The following RALY variants were observed in gnomAD, a reference collection of about 807,000 sequenced individuals.
RALY encodes RNA-binding protein Raly.
In RALY, 15 loss-of-function variants were observed where a neutral mutation model predicts 30.7. The ratio of observed to expected loss-of-function variants is 0.49; its 90% confidence interval spans 0.33 to 0.75. The LOEUF is 0.75. Ranked by LOEUF, RALY falls within the 30% of genes least tolerant of loss-of-function variation. The pLI is 0.02. For synonymous variants in RALY, 177 were observed against 170.8 expected, an observed-to-expected ratio of 1.04 and a Z score of -0.28; for missense variants, 339 against 414.3, an observed-to-expected ratio of 0.82 and a Z score of 1.58.
chr20:34,004,344 A>G (rs1318028507), intron 1 of RALY, among the ~76,000 whole-genome samples: 2 of 152,238 alleles, frequency 1.3e-5, no homozygotes, highest in Non-Finnish European at 2.9e-5. Context: ...CAATATTGCC[A>G]TGTCTGTACC....
intron 2 of RALY, among the ~76,000 whole-genome samples, chr20:34,038,735 C>T (rs2032590837): frequency 6.6e-6 from 1 of 152,174 alleles, no homozygotes; most frequent in Non-Finnish European, 1.5e-5. Context: ...CTTGATCTGA[C>T]ATTTATTTTC....
intron 2 of RALY, among the ~76,000 whole-genome samples, chr20:34,034,327 C>A (rs564761148): frequency 2.0e-4 from 31 of 152,314 alleles, no homozygotes; most frequent in African/African-American, 7.2e-4. Flanking sequence ...CTTCTGTCTG[C>A]CTGAGAGTGC....
chr20:34,056,935 G>C (rs1051177491), intron 2 of RALY, among the ~76,000 whole-genome samples: 3 of 152,130 alleles, frequency 2.0e-5, no homozygotes, highest in Non-Finnish European at 4.4e-5. Context: ...TCTGTCCTAA[G>C]GAAATAGTCT....
chr20:34,076,146 A>ACAGTTCTGCTG, intron 6 of RALY, 106 bp downstream of exon 6: 1 of 1,337,954 alleles, frequency 7.5e-7, no homozygotes, highest in Non-Finnish European at 1.0e-6. Context: ...CAAGTCTTCC[A>ACAGTTCTGCTG]CAGTTCTGCT....
chr20:34,052,853 G>C (rs2033122491), intron 2 of RALY, among the ~76,000 whole-genome samples: 1 of 152,012 alleles, frequency 6.6e-6, no homozygotes, highest in Non-Finnish European at 1.5e-5. Flanking sequence ...ATCCTGAGAG[G>C]GGTTTGAAGA....
chr20:34,071,933 G>A, intron 2 of RALY, 133 bp from the exon 3 acceptor site: 1 of 1,012,192 alleles, frequency 9.9e-7, no homozygotes, highest in Non-Finnish European at 1.4e-6. Flanking sequence ...AAAACAAGAT[G>A]CAGGAACAGG....
chr20:34,078,574 T>C lies in RALY; in HGVS notation c.*4+21T>C, dbSNP rs776560221. 2.6e-6 allele frequency: 4 copies of C among 1,543,030 alleles called. No individual in the cohort carries two copies. In the South Asian group the frequency reaches 3.7e-5, roughly 14 times the overall value. ...AGCAGGTACAGGGGTCCTGTCCTGA[T>C]GGGCAGAGGGTGGGGAATCAGTGAA... On this transcript the variant is annotated intron_variant, in intron 9 of 9. Coordinates refer to ENST00000246194, the MANE Select transcript of RALY (RefSeq NM_016732.3).
chr20:34,083,759 C>G lies in RALY; in HGVS notation c.*3854C>G, dbSNP rs1220314459. 6.6e-6 allele frequency: 1 copy of G among 152,214 alleles called. No individual in the cohort carries two copies. The highest frequency in any genetic ancestry group is 1.5e-5 in the Non-Finnish European group (1 of 68,046). The allele number at this position is 152,214 out of a possible 1,614,324, so 9.4% of individuals were successfully genotyped here. On this transcript the variant is annotated 3_prime_UTR_variant, in exon 10 of 10. Coordinates refer to ENST00000246194, the MANE Select transcript of RALY (RefSeq NM_016732.3). Reference sequence around the variant, plus strand: ...TTGACCCGTAAGGTCATAACCTGCCCCATAGGATGTTATATGCAGTAGGCC... The same window carrying G: ...TTGACCCGTAAGGTCATAACCTGCCGCATAGGATGTTATATGCAGTAGGCC...
rs985315815 is a variant in RALY, at chr20:34,082,658, G to A, written c.*2753G>A. 1 of 152,318 alleles carries A rather than the reference G, an allele frequency of 6.6e-6. No individual in the cohort carries two copies. Among genetic ancestry groups the A allele is most frequent in the Non-Finnish European group, 1.5e-5 (1 of 68,158 alleles). 9.4% of individuals were successfully genotyped at this position (152,318 alleles called of 1,614,324 possible). ...CAGGGAGAACGAGAGTCCCATCCTGGAACTCCAGAAAAGCCCCTGGATGCT... is the reference window on the plus strand; with the variant it reads ...CAGGGAGAACGAGAGTCCCATCCTGAAACTCCAGAAAAGCCCCTGGATGCT... On this transcript the variant is annotated 3_prime_UTR_variant, in exon 10 of 10. Transcript: ENST00000246194.
At chr20:34,019,528 G>A (rs897484773) in intron 1 of RALY, among the ~76,000 whole-genome samples, 4 of 152,114 alleles carry the variant, frequency 2.6e-5, no homozygotes, top group Admixed American at 6.5e-5. Flanking sequence ...GCTGTGGGTC[G>A]TCTCACATTT....
chr20:34,063,024 T>G (rs927656743), intron 2 of RALY, among the ~76,000 whole-genome samples: 2 of 152,182 alleles, frequency 1.3e-5, no homozygotes, highest in Non-Finnish European at 2.9e-5. Flanking sequence ...ATGCCCAGTT[T>G]TGAAGCCATT....
At chr20:34,058,263 A>G (rs2033313454) in intron 2 of RALY, among the ~76,000 whole-genome samples, 1 of 152,092 alleles carries the variant, frequency 6.6e-6, no homozygotes. Context: ...GCAGGGGTTC[A>G]TTGGTTGGCT....
intron 2 of RALY, among the ~76,000 whole-genome samples, chr20:34,049,725 A>T (rs1430699350): frequency 6.6e-6 from 1 of 152,200 alleles, no homozygotes; most frequent in Non-Finnish European, 1.5e-5. Flanking sequence ...TGACTTAGGA[A>T]ATTTCCCCAC....
chr20:34,056,451 T>G (rs999960730), intron 2 of RALY, among the ~76,000 whole-genome samples: 5 of 152,234 alleles, frequency 3.3e-5, no homozygotes, highest in Admixed American at 1.3e-4. Flanking sequence ...CTGGTTTTCT[T>G]GAGGTTTTCA....
intron 5 of RALY, among the ~76,000 whole-genome samples, chr20:34,075,147 C>T (rs1164234902): frequency 1.3e-5 from 2 of 152,032 alleles, no homozygotes; most frequent in African/African-American, 2.4e-5. Context: ...TCTGATTGAG[C>T]TGCCCAACCT....
At position 34,003,634 on chromosome 20, in the gene RALY, G is replaced by GTTTTT. The variant is rs775178178; in HGVS notation, c.-93+9522_-93+9526dup. 2.5e-3 allele frequency among the ~76,000 whole-genome samples: 280 copies of GTTTTT among 112,940 alleles called. 14 individuals carry two copies. Among genetic ancestry groups the GTTTTT allele is most frequent in the African/African-American group, 0.011 (263 of 24,466 alleles). 74.1% of individuals were successfully genotyped at this position (112,940 alleles called of 152,430 possible). ...TTACCTTTGGTAAATATGCCAAACA[G>GTTTTT]TTTTTTTTTTTTTTTTTTTTTTTGA... is the stretch of plus-strand genomic sequence containing the variant. On this transcript the variant is annotated intron_variant, in intron 1 of 9. Coordinates refer to ENST00000246194, the MANE Select transcript of RALY (RefSeq NM_016732.3).
intron 2 of RALY, among the ~76,000 whole-genome samples, chr20:34,055,934 A>C (rs1401008865): frequency 6.6e-6 from 1 of 152,190 alleles, no homozygotes; most frequent in Non-Finnish European, 1.5e-5. Context: ...AGAGGAGACT[A>C]ATACATGAGA....
At chr20:34,074,977 G>C (rs565614498) in intron 5 of RALY, among the ~76,000 whole-genome samples, 1 of 152,280 alleles carries the variant, frequency 6.6e-6, no homozygotes, top group Non-Finnish European at 1.5e-5. Context: ...TACCCCCTGG[G>C]CTGCGATTCC....
At chr20:34,034,573 A>G (rs1025949762) in intron 2 of RALY, among the ~76,000 whole-genome samples, 1 of 152,238 alleles carries the variant, frequency 6.6e-6, no homozygotes, top group African/African-American at 2.4e-5. Flanking sequence ...ACATTTATAT[A>G]TGATAAGCTA....
Sources: allele counts gnomAD v4.1 joint callset (sites outside exome capture counted in the v4.1 genomes callset), GRCh38; gene constraint gnomAD v4.1.1; transcripts MANE v1.5; gene names NCBI Gene and HGNC (gene_info 2026-07-23, HGNC 2026-07-21).